CD226: variants seen among roughly 807,000 people sequenced by gnomAD.
CD226 encodes the protein CD226 molecule, also known as CD226 antigen.
Under a neutral mutation model 34.9 loss-of-function variants are expected in CD226, and 24 were observed. The ratio of observed to expected loss-of-function variants is 0.69; its 90% CI spans 0.50 to 0.97. The LOEUF is 0.97. CD226 is among the 50% of genes least tolerant of loss of function. The pLI, the probability that CD226 is intolerant of heterozygous loss-of-function variation, is 0.00. For missense variants in CD226, 397 were observed against 412.7 expected (o/e 0.96, Z 0.33); for synonymous variants, 148 against 147.4 (o/e 1.00, Z -0.03).
intron 5 of CD226, among the ~76,000 whole-genome samples, chr18:69,866,565 T>A (rs891703218): frequency 6.6e-6 from 1 of 152,152 alleles, no homozygotes; most frequent in Non-Finnish European, 1.5e-5. Context: ...ATAATGAATA[T>A]CATTACGTTC....
chr18:69,866,783 G>C (rs764739644), intron 5 of CD226, among the ~76,000 whole-genome samples: 3 of 152,078 alleles, frequency 2.0e-5, no homozygotes, highest in Non-Finnish European at 4.4e-5. Flanking sequence ...GAGAGGGGTG[G>C]GCCTTTAAGT....
chr18:69,931,966 T>A (rs1349878183), intron 2 of CD226, among the ~76,000 whole-genome samples: 1 of 152,188 alleles, frequency 6.6e-6, no homozygotes, highest in African/African-American at 2.4e-5. Context: ...CAGGGTTGAT[T>A]CCTTTTGAGG....
chr18:69,890,685 A>G (rs1984842064), intron 3 of CD226, among the ~76,000 whole-genome samples: 1 of 152,154 alleles, frequency 6.6e-6, no homozygotes, highest in Non-Finnish European at 1.5e-5. Flanking sequence ...AGAAAGTAGG[A>G]AAGTGTGAGT....
exon 1 of CD226, chr18:69,956,982 A>C (rs1661484110): frequency 6.6e-6 from 1 of 152,196 alleles, no homozygotes; most frequent in Non-Finnish European, 1.5e-5. Context: ...CTCTACCAGA[A>C]CTTCCTCAGA....
intron 3 of CD226, among the ~76,000 whole-genome samples, chr18:69,888,207 T>C (rs1441029420): frequency 6.6e-6 from 1 of 152,222 alleles, no homozygotes; most frequent in Non-Finnish European, 1.5e-5. Context: ...AATTTTCTAC[T>C]TGCTTTTGGA....
chr18:69,905,782 G>C (rs181595851), intron 2 of CD226, among the ~76,000 whole-genome samples: 57 of 152,280 alleles, frequency 3.7e-4, no homozygotes, highest in African/African-American at 1.4e-3. Context: ...AAAGCACAAA[G>C]AGAGCCTGTA....
chr18:69,908,954 A>G (rs528930803), intron 2 of CD226, among the ~76,000 whole-genome samples: 32 of 152,320 alleles, frequency 2.1e-4, no homozygotes, highest in African/African-American at 7.7e-4. Context: ...CTGTGATGCC[A>G]CCTTATCCTG....
intron 2 of CD226, among the ~76,000 whole-genome samples, chr18:69,925,580 C>T (rs2055510874): frequency 6.6e-6 from 1 of 152,050 alleles, no homozygotes; most frequent in African/African-American, 2.4e-5. Context: ...CTCACTCATC[C>T]AATCAGTTGC....
intron 3 of CD226, among the ~76,000 whole-genome samples, chr18:69,880,028 C>T (rs887959843): frequency 6.6e-6 from 1 of 152,184 alleles, no homozygotes; most frequent in Non-Finnish European, 1.5e-5. Context: ...ACTATCTGGA[C>T]AGTCGAACAT....
Position 69,853,640 on chromosome 18 carries a change from G to A in CD226, c.*10674C>T, listed in dbSNP as rs921879700. On this transcript the variant is annotated 3_prime_UTR_variant, in exon 6 of 6. Transcript: ENST00000582621. ...CCCCCAAAAAATGCTTGTGAAATCT[G>A]GTGCTTTAGACTGAGCTCTGTGATG... 2.0e-5 allele frequency: 3 copies of A among 152,126 alleles called. No individual in the cohort carries two copies. The highest frequency in any genetic ancestry group is 7.2e-5 in the African/African-American group (3 of 41,418). The allele number at this position is 152,126 out of a possible 1,614,324, so 9.4% of individuals were successfully genotyped here.
chr18:69,887,663 T>A lies in CD226; in HGVS notation c.727+8038A>T, dbSNP rs1984639578. On this transcript the variant is annotated intron_variant, in intron 3 of 5. Coordinates refer to ENST00000582621, the MANE Select transcript of CD226 (RefSeq NM_001303618.2). ...CAATCCAACTGAGAGTATTAACATTTCAACTTGATACTTGTGAAAGACTCT... is the reference window on the plus strand; with the variant it reads ...CAATCCAACTGAGAGTATTAACATTACAACTTGATACTTGTGAAAGACTCT... 2.0e-5 allele frequency among the ~76,000 whole-genome samples: 3 copies of A among 152,224 alleles called. No individual in the cohort carries two copies. In the South Asian group the frequency reaches 6.2e-4, roughly 32 times the overall value.
At chr18:69,901,706 C>T (rs949293791) in intron 2 of CD226, among the ~76,000 whole-genome samples, 3 of 152,030 alleles carry the variant, frequency 2.0e-5, no homozygotes, top group South Asian at 4.2e-4. Context: ...GGTGAAACCC[C>T]GTCTCTACTA....
intron 3 of CD226, among the ~76,000 whole-genome samples, chr18:69,886,577 G>A (rs1183189323): frequency 6.6e-6 from 1 of 151,992 alleles, no homozygotes; most frequent in Admixed American, 6.6e-5. Flanking sequence ...ATGGTGGCAG[G>A]TGCCTGTAAT....
intron 3 of CD226, among the ~76,000 whole-genome samples, chr18:69,876,854 ACTTTT>A (rs1983897303): frequency 2.4e-5 from 3 of 124,816 alleles, no homozygotes; most frequent in South Asian, 2.7e-4. Flanking sequence ...GGCCTCTAGA[ACTTTT>A]TTTTTTTTTT....
rs942480562 is a variant in CD226 at position 69,854,935 on chromosome 18, G to C, written c.*9379C>G. ...ACTTAGGGAAGCCTGAACTCAAGAA[G>C]GGGAAAAACACATGAACAAACAAAA... On this transcript the variant is annotated 3_prime_UTR_variant, in exon 6 of 6. Transcript: ENST00000582621. The C allele has an allele frequency of 1.3e-5, 2 of 152,286 alleles. No homozygotes were observed. The highest frequency in any genetic ancestry group is 1.3e-4 in the Admixed American group (2 of 15,280). 9.4% of individuals were successfully genotyped at this position (152,286 alleles called of 1,614,324 possible).
rs36024512 is a variant in CD226, at chr18:69,855,122, C to CA, written c.*9191dup. On this transcript the variant is annotated 3_prime_UTR_variant, in exon 6 of 6. Transcript: ENST00000582621. ...CAGATCTGGCTTGCAACAAAAAATT[C>CA]AAAAAAAATGTCAAAGAACGTCAAA... The CA allele has an allele frequency of 0.47, 70,685 of 151,514 alleles. 17,413 individuals carry two copies. The highest frequency in any genetic ancestry group is 0.64 in the East Asian group (3,297 of 5,152). The allele number at this position is 151,514 out of a possible 1,614,324, so 9.4% of individuals were successfully genotyped here.
intron 3 of CD226, among the ~76,000 whole-genome samples, chr18:69,876,329 A>C (rs1425730278): frequency 6.6e-6 from 1 of 152,212 alleles, no homozygotes; most frequent in South Asian, 2.1e-4. Flanking sequence ...ATGAAGGTCT[A>C]ATTTATATGA....
At chr18:69,935,726 A>G (rs908319890) in intron 2 of CD226, among the ~76,000 whole-genome samples, 1 of 152,178 alleles carries the variant, frequency 6.6e-6, no homozygotes, top group Non-Finnish European at 1.5e-5. Flanking sequence ...TTCCAGCTAT[A>G]CTCACAGAAT....
intron 3 of CD226, among the ~76,000 whole-genome samples, chr18:69,890,710 G>C (rs1240856441): frequency 6.6e-6 from 1 of 152,080 alleles, no homozygotes; most frequent in Admixed American, 6.6e-5. Flanking sequence ...TGAGGCAGTG[G>C]AAAGCACAAA....
Sources: gnomAD v4.1 joint callset for allele counts (sites outside exome capture counted in the v4.1 genomes callset) on GRCh38, gnomAD v4.1.1 for gene constraint, MANE v1.5 for transcripts, NCBI Gene and HGNC (gene_info 2026-07-23, HGNC 2026-07-21) for gene names.